Variants in ZNF274 observed in about 807,000 individuals in gnomAD.
ZNF274 encodes the protein zinc finger protein 274.
ZNF274 carries 23 observed loss-of-function variants against 42.5 expected under a neutral mutation model. That is an observed-to-expected ratio of 0.54 (90% confidence interval 0.39 to 0.77). The LOEUF (loss-of-function observed/expected upper bound fraction) is 0.77, where lower values mean the gene tolerates loss of function less well. Ranked by LOEUF, ZNF274 falls within the 30% of genes least tolerant of loss-of-function variation. The pLI, the probability that ZNF274 is intolerant of heterozygous loss-of-function variation, is 0.00. For synonymous variants in ZNF274, 292 were observed against 305.4 expected, an observed-to-expected ratio of 0.96 and a Z score of 0.46; for missense variants, 679 against 806.5, an observed-to-expected ratio of 0.84 and a Z score of 1.91.
rs1369284953 is a variant in ZNF274, at chr19:58,206,931, C to T, written c.468C>T (p.Asp156=). 9 of 1,612,562 alleles carry T rather than the reference C, an allele frequency of 5.6e-6. No individual in the cohort carries two copies. The highest frequency in any genetic ancestry group is 7.6e-6 in the Non-Finnish European group (9 of 1,179,288). Residue 156 remains aspartate, a synonymous_variant, in exon 5 of 8, where the codon GAC becomes GAT. Coordinates refer to ENST00000617501, the MANE Select transcript of ZNF274 (RefSeq NM_133502.3). ...AACAGCAGGGCAAGCATCCAGGTGA[C>T]CCTGAGGCCGCGCGCCAGAGGTTCC... ...QVQQQGKHPG[D]PEAARQRFRQ... is the part of the protein sequence containing the mutation.
At chr19:58,200,444 A>G (rs1419513144) in intron 4 of ZNF274, among the ~76,000 whole-genome samples, 1 of 152,220 alleles carries the variant, frequency 6.6e-6, no homozygotes, top group Non-Finnish European at 1.5e-5. Flanking sequence ...TGTTGGAAAG[A>G]GAAGGAAACA....
chr19:58,211,359 C>G lies in ZNF274; in HGVS notation c.853-201C>G. ...TCTTTATGAAGCAAGGGCTCTGCCT[C>G]CCAGCCTGAGACCCAGACCCTGGTT... On this transcript the variant is annotated intron_variant, in intron 6 of 7. Coordinates refer to ENST00000617501, the MANE Select transcript of ZNF274 (RefSeq NM_133502.3). The surrounding 1 kb of genome is among the most constrained non-coding windows in gnomAD (Gnocchi z 4.8). 1.8e-6 allele frequency: 1 copy of G among 543,422 alleles called. No homozygotes were observed. Among genetic ancestry groups the G allele is most frequent in the Non-Finnish European group, 3.1e-6 (1 of 322,922 alleles). The allele number at this position is 543,422 out of a possible 1,614,324, so 33.7% of individuals were successfully genotyped here. A position where few individuals can be genotyped will look rare whatever the true frequency, so the allele number is the denominator to read the frequency against.
chr19:58,191,180 C>G (rs2075774706), intron 4 of ZNF274, among the ~76,000 whole-genome samples: 1 of 152,316 alleles, frequency 6.6e-6, no homozygotes, highest in South Asian at 2.1e-4. Context: ...ACTCTATCGC[C>G]AGGCTGGAGT....
At chr19:58,194,422 A>C (rs1163497598) in intron 4 of ZNF274, among the ~76,000 whole-genome samples, 2 of 110,430 alleles carry the variant, frequency 1.8e-5, no homozygotes, top group East Asian at 5.4e-4. Context: ...TTTGTCACCC[A>C]GGCTAAAGTG....
intron 4 of ZNF274, among the ~76,000 whole-genome samples, chr19:58,204,263 C>A (rs1398693866): frequency 1.3e-5 from 2 of 152,006 alleles, no homozygotes; most frequent in Non-Finnish European, 2.9e-5. Flanking sequence ...CTAGGGAGAA[C>A]GGTACCGGAA....
intron 5 of ZNF274, chr19:58,209,417 G>A (rs994022462): frequency 6.6e-6 from 1 of 152,516 alleles, no homozygotes; most frequent in East Asian, 1.9e-4. Context: ...TGAAGGAGCC[G>A]TGGTTACAGG....
chr19:58,188,713 T>TATACAC (rs2075741844), intron 4 of ZNF274, among the ~76,000 whole-genome samples: 3 of 126,248 alleles, frequency 2.4e-5, no homozygotes, highest in African/African-American at 6.0e-5. Context: ...TATATATATA[T>TATACAC]ATATATATAT....
intron 4 of ZNF274, among the ~76,000 whole-genome samples, chr19:58,190,910 T>C (rs2075771972): frequency 6.6e-6 from 1 of 152,186 alleles, no homozygotes; most frequent in African/African-American, 2.4e-5. Flanking sequence ...GCTAGAGTCT[T>C]TCTCTGTGAC....
chr19:58,200,188 C>G (rs2075893903), intron 4 of ZNF274, among the ~76,000 whole-genome samples: 1 of 152,200 alleles, frequency 6.6e-6, no homozygotes, highest in Non-Finnish European at 1.5e-5. Flanking sequence ...GGTCTTACAC[C>G]TGCTTTCATT....
At position 58,213,287 on chromosome 19, in the gene ZNF274, C is replaced by T. The variant is rs1600162947; in HGVS notation, c.*144C>T. On this transcript the variant is annotated 3_prime_UTR_variant, in exon 8 of 8. Transcript: ENST00000617501. The stretch of plus-strand genomic sequence containing the variant: ...CAAAACCAAAGGACAACTGAGGAGA[C>T]TGCCCAGCACATAATGAATAAATAA... 7.3e-6 allele frequency: 7 copies of T among 959,446 alleles called. No homozygotes were observed. The highest frequency in any genetic ancestry group is 8.7e-6 in the Non-Finnish European group (6 of 686,782). 59.4% of individuals were successfully genotyped at this position (959,446 alleles called of 1,614,324 possible).
At position 58,212,782 on chromosome 19, in the gene ZNF274, C is replaced by T. The variant is rs779208124; in HGVS notation, c.1601C>T (p.Pro534Leu). 6.2e-7 allele frequency: 1 copy of T among 1,613,924 alleles called. No individual in the cohort carries two copies. The highest frequency in any genetic ancestry group is 8.5e-7 in the Non-Finnish European group (1 of 1,179,894). The change falls in exon 8 of 8, where the codon CCC (proline) becomes CTC (leucine). Residue 534 changes from proline to leucine, a missense_variant. Transcript: ENST00000617501. This position sits in a 1 kb window ranked among gnomAD's most constrained non-coding sequence, Gnocchi z 4.6. ...AAGAAAATCCATACCGGAGAGAGGC[C>T]CTATGTGTGTCAAGACTGTGGGAAA... ...VHKKIHTGER[P>L]YVCQDCGKGF...
intron 4 of ZNF274, 140 bp from the exon 5 acceptor site, chr19:58,206,580 T>C (rs1407994743): frequency 3.1e-6 from 3 of 959,330 alleles, no homozygotes; most frequent in Non-Finnish European, 4.5e-6. Flanking sequence ...TGTTATCATC[T>C]GTCTTTGGTA....
chr19:58,200,078 A>G (rs1040484060), intron 4 of ZNF274, among the ~76,000 whole-genome samples: 1 of 152,206 alleles, frequency 6.6e-6, no homozygotes, highest in African/African-American at 2.4e-5. Flanking sequence ...GTGTGCTTTC[A>G]TGTTGCAAAG....
Position 58,205,107 on chromosome 19 carries a change from C to T in ZNF274, c.257-1613C>T, listed in dbSNP as rs2075966842. On this transcript the variant is annotated intron_variant, in intron 4 of 7. Transcript: ENST00000617501. ...GTTTTTATTCATTCCTTTGGTGCCT[C>T]TATACCTATCTTCATCTCCGAATAG... is the stretch of plus-strand genomic sequence containing the variant. Among the ~76,000 whole-genome samples, 3 of 152,288 alleles carry T rather than the reference C, an allele frequency of 2.0e-5. No homozygotes were observed. In the South Asian group the frequency reaches 6.2e-4, roughly 32 times the overall value.
chr19:58,211,273 A>G lies in ZNF274; in HGVS notation c.853-287A>G, dbSNP rs925049542. On this transcript the variant is annotated intron_variant, in intron 6 of 7. Transcript: ENST00000617501. The surrounding 1 kb of genome is among the most constrained non-coding windows in gnomAD (Gnocchi z 4.8). Reference sequence around the variant, plus strand: ...CCCTCTGCAGTGGGAAGATTTCAGCAATGGGCAAGCTGGATAGAGCCGTGG... The same window carrying G: ...CCCTCTGCAGTGGGAAGATTTCAGCGATGGGCAAGCTGGATAGAGCCGTGG... 1.0e-5 allele frequency: 3 copies of G among 298,766 alleles called. No individual in the cohort carries two copies. In the Admixed American group the frequency reaches 1.5e-4, roughly 15 times the overall value. 18.5% of individuals were successfully genotyped at this position (298,766 alleles called of 1,614,324 possible).
intron 4 of ZNF274, among the ~76,000 whole-genome samples, chr19:58,193,445 CTTTTTTTT>C (rs71188098): frequency 2.1e-5 from 1 of 47,784 alleles, no homozygotes; most frequent in Non-Finnish European, 3.6e-5. Context: ...CGCGCCTGGC[CTTTTTTTT>C]TTTTTTTTTT....
At chr19:58,189,488 T>C (rs1027210103) in intron 4 of ZNF274, among the ~76,000 whole-genome samples, 5 of 152,206 alleles carry the variant, frequency 3.3e-5, no homozygotes, top group African/African-American at 4.8e-5. Flanking sequence ...ATTGGAAATA[T>C]CATATTTGTC....
Position 58,212,077 on chromosome 19 carries a change from G to C in ZNF274, c.980-84G>C. On this transcript the variant is annotated intron_variant, in intron 7 of 7. Coordinates refer to ENST00000617501, the MANE Select transcript of ZNF274 (RefSeq NM_133502.3). The surrounding 1 kb of genome is among the most constrained non-coding windows in gnomAD (Gnocchi z 4.6). Reference sequence around the variant, plus strand: ...GGAGAAAAAAAAAATCCTGACTTTTGAACTTAATTATGCATTTCATGCTCT... The same window carrying C: ...GGAGAAAAAAAAAATCCTGACTTTTCAACTTAATTATGCATTTCATGCTCT... 6.8e-7 allele frequency: 1 copy of C among 1,469,760 alleles called. No homozygotes were observed. The highest frequency in any genetic ancestry group is 9.0e-7 in the Non-Finnish European group (1 of 1,106,770). The allele number at this position is 1,469,760 out of a possible 1,614,324, so 91.0% of individuals were successfully genotyped here.
intron 4 of ZNF274, among the ~76,000 whole-genome samples, chr19:58,188,682 A>ATATG (rs1555816874): frequency 1.3e-3 from 100 of 75,616 alleles, no homozygotes; most frequent in Admixed American, 2.3e-3. Flanking sequence ...GTGTGTATAT[A>ATATG]TATATGTATA....
Sources: gnomAD v4.1 joint callset for allele counts (sites outside exome capture counted in the v4.1 genomes callset) on GRCh38, gnomAD v4.1.1 for gene constraint, Gnocchi (gnomAD v3.1) non-coding constraint, MANE v1.5 for transcripts, NCBI Gene and HGNC (gene_info 2026-07-23, HGNC 2026-07-21) for gene names.